DOK6: variants seen among roughly 807,000 people sequenced by gnomAD.
The protein encoded by DOK6 is downstream of tyrosine kinase 6.
In DOK6, 22 loss-of-function variants were observed where a neutral mutation model predicts 44.0. The ratio of observed to expected loss-of-function variants is 0.50; its 90% CI spans 0.36 to 0.71. DOK6 has a LOEUF of 0.71. Ranked by LOEUF, DOK6 falls within the 30% of genes least tolerant of loss-of-function variation. The probability of loss-of-function intolerance (pLI) is 0.00; values close to 1 mark genes in which losing one functional copy is unlikely to be tolerated. For missense variants in DOK6, 340 were observed against 416.4 expected (o/e 0.82, Z 1.60); for synonymous variants, 166 against 145.5 (o/e 1.14, Z -1.01).
At chr18:69,685,149 G>C (rs985426684) in intron 4 of DOK6, among the ~76,000 whole-genome samples, 1 of 152,024 alleles carries the variant, frequency 6.6e-6, no homozygotes, top group African/African-American at 2.4e-5. Context: ...AACACAAAAA[G>C]AAACAATATA....
chr18:69,510,896 G>A (rs566221608), intron 1 of DOK6, among the ~76,000 whole-genome samples: 105 of 150,802 alleles, frequency 7.0e-4, no homozygotes, highest in Non-Finnish European at 1.1e-3. Context: ...TTTCTTTTTG[G>A]CTAAATTATA....
chr18:69,665,802 AT>A (rs199783517), intron 3 of DOK6, among the ~76,000 whole-genome samples: 4,818 of 145,878 alleles, frequency 0.033, 219 homozygotes, highest in African/African-American at 0.1. Flanking sequence ...CACAGTTTTG[AT>A]TTTTTTTTTT....
intron 3 of DOK6, among the ~76,000 whole-genome samples, chr18:69,612,226 C>A (rs1446975956): frequency 2.0e-5 from 2 of 102,142 alleles, no homozygotes; most frequent in African/African-American, 3.3e-5. Context: ...TTAAAAAAAA[C>A]CAGGGTGGGA....
At chr18:69,687,612 G>T (rs1051230151) in intron 4 of DOK6, among the ~76,000 whole-genome samples, 3 of 152,146 alleles carry the variant, frequency 2.0e-5, no homozygotes, top group Non-Finnish European at 2.9e-5. Context: ...AGCCCAAGAG[G>T]CAGAGGTTGC....
At chr18:69,828,120 T>G (rs1201801324) in intron 7 of DOK6, among the ~76,000 whole-genome samples, 2 of 151,834 alleles carry the variant, frequency 1.3e-5, no homozygotes, top group Non-Finnish European at 3.0e-5. Context: ...GTTCAGAAAT[T>G]AAAACAAAGA....
chr18:69,574,612 T>G (rs1443487599), intron 2 of DOK6, among the ~76,000 whole-genome samples: 1 of 152,032 alleles, frequency 6.6e-6, no homozygotes, highest in Non-Finnish European at 1.5e-5. Flanking sequence ...GAAGAGAATT[T>G]GAGTTATCTA....
intron 5 of DOK6, among the ~76,000 whole-genome samples, chr18:69,738,253 C>T (rs758548140): frequency 6.6e-6 from 1 of 152,118 alleles, no homozygotes; most frequent in Non-Finnish European, 1.5e-5. Flanking sequence ...ACTTGAAAAT[C>T]GCTTGATGTT....
At position 69,597,171 on chromosome 18, in the gene DOK6, T is replaced by G. The variant is rs866885286; in HGVS notation, c.175-2213T>G. 7.9e-5 allele frequency among the ~76,000 whole-genome samples: 12 copies of G among 152,232 alleles called. 1 individual carries two copies. Among genetic ancestry groups the G allele is most frequent in the Middle Eastern group, 6.8e-3 (2 of 294 alleles). On this transcript the variant is annotated intron_variant, in intron 2 of 7. Transcript: ENST00000382713. ...AATATCACAGTAAGGGAAAAAGCTA[T>G]GTAGATATGAGATTTCTATATTTCA...
At chr18:69,795,081 C>T (rs1980705529) in intron 7 of DOK6, among the ~76,000 whole-genome samples, 1 of 152,046 alleles carries the variant, frequency 6.6e-6, no homozygotes, top group Non-Finnish European at 1.5e-5. Context: ...CATCCCCCAC[C>T]CTGATCCATG....
At chr18:69,770,889 G>A (rs1316565600) in intron 7 of DOK6, among the ~76,000 whole-genome samples, 1 of 151,836 alleles carries the variant, frequency 6.6e-6, no homozygotes. Context: ...AGGCATTAAT[G>A]CTGACATATG....
intron 1 of DOK6, among the ~76,000 whole-genome samples, chr18:69,465,111 A>G (rs972117031): frequency 2.0e-5 from 3 of 152,300 alleles, no homozygotes; most frequent in East Asian, 1.9e-4. Flanking sequence ...TTGTACATAC[A>G]TACACAACTG....
intron 1 of DOK6, among the ~76,000 whole-genome samples, chr18:69,435,055 G>GA (rs1486019878): frequency 4.0e-5 from 6 of 148,642 alleles, no homozygotes; most frequent in African/African-American, 1.5e-4. Context: ...AGGAAGGAAG[G>GA]AAGGAAGGAA....
rs75143432 is a variant in DOK6, at chr18:69,827,205, A to G, written c.857-14039A>G. Among the ~76,000 whole-genome samples, 1,512 of 152,200 alleles carry G rather than the reference A, an allele frequency of 9.9e-3. 22 individuals carry two copies. The highest frequency in any genetic ancestry group is 0.035 in the African/African-American group (1,439 of 41,548). On this transcript the variant is annotated intron_variant, in intron 7 of 7. Transcript: ENST00000382713. Reference sequence around the variant, plus strand: ...TTCCTATCACCTATTAGAAAAAATTATCCAATCTGTTTGGTAGAGTATAAC... The same window carrying G: ...TTCCTATCACCTATTAGAAAAAATTGTCCAATCTGTTTGGTAGAGTATAAC...
Position 69,528,695 on chromosome 18 carries a change from C to T in DOK6, c.67-35792C>T, listed in dbSNP as rs538659720. ...ATGTATCTCCATAGACTGTATCCATCATCCATGACGTAGCTCTATCTGGGC... is the reference window on the plus strand; with the variant it reads ...ATGTATCTCCATAGACTGTATCCATTATCCATGACGTAGCTCTATCTGGGC... On this transcript the variant is annotated intron_variant, in intron 1 of 7. Coordinates refer to ENST00000382713, the MANE Select transcript of DOK6 (RefSeq NM_152721.6). Among the ~76,000 whole-genome samples, 8 of 152,320 alleles carry T rather than the reference C, an allele frequency of 5.3e-5. No individual in the cohort carries two copies. The South Asian group carries it at 1.7e-3, about 32-fold the overall frequency.
chr18:69,759,163 G>A (rs1979459067), intron 7 of DOK6, among the ~76,000 whole-genome samples: 1 of 151,880 alleles, frequency 6.6e-6, no homozygotes, highest in Non-Finnish European at 1.5e-5. Flanking sequence ...TAAGAAAAGT[G>A]AGGAGTGGAG....
chr18:69,768,146 TC>T (rs1421124565), intron 7 of DOK6, among the ~76,000 whole-genome samples: 5 of 152,258 alleles, frequency 3.3e-5, no homozygotes, highest in African/African-American at 1.2e-4. Context: ...TAAAGGCATG[TC>T]AAATAAATTA....
intron 2 of DOK6, among the ~76,000 whole-genome samples, chr18:69,587,621 G>A (rs1339166206): frequency 6.6e-6 from 1 of 152,166 alleles, no homozygotes; most frequent in Non-Finnish European, 1.5e-5. Flanking sequence ...CCATCTGCTA[G>A]GTAAAGCCAT....
At chr18:69,442,881 A>C (rs1979176134) in intron 1 of DOK6, among the ~76,000 whole-genome samples, 1 of 152,192 alleles carries the variant, frequency 6.6e-6, no homozygotes, top group Non-Finnish European at 1.5e-5. Context: ...TGGGAGGTGC[A>C]TAAGATTAGG....
chr18:69,569,361 C>T (rs760490677), intron 2 of DOK6, among the ~76,000 whole-genome samples: 1 of 152,130 alleles, frequency 6.6e-6, no homozygotes, highest in South Asian at 2.1e-4. Flanking sequence ...TGAGCCACAC[C>T]CCACCACAGG....
Sources: gnomAD v4.1 joint callset for allele counts (sites outside exome capture counted in the v4.1 genomes callset) on GRCh38, gnomAD v4.1.1 for gene constraint, MANE v1.5 for transcripts, NCBI Gene and HGNC (gene_info 2026-07-23, HGNC 2026-07-21) for gene names.